JAK2: variants seen among roughly 807,000 people sequenced by gnomAD.
JAK2 encodes Janus kinase 2, also known as tyrosine-protein kinase JAK2.
JAK2 carries 86 observed loss-of-function variants against 139.3 expected under a neutral mutation model. That is an observed-to-expected ratio of 0.62 (90% CI 0.52 to 0.74). The LOEUF (loss-of-function observed/expected upper bound fraction) is 0.74. Among genes scored for constraint, JAK2 ranks in the 30% least tolerant of loss-of-function variants. The pLI, the probability that JAK2 is intolerant of heterozygous loss-of-function variation, is 0.00. For synonymous variants in JAK2, 490 were observed against 437.7 expected (o/e 1.12, Z -1.49); for missense variants, 1,421 against 1,360.3 (o/e 1.04, Z -0.70).
intron 5 of JAK2, among the ~76,000 whole-genome samples, chr9:5,047,758 G>A (rs960966464): frequency 2.0e-5 from 3 of 152,066 alleles, no homozygotes; most frequent in Non-Finnish European, 2.9e-5. Flanking sequence ...ACTATGCCTG[G>A]CTAATTTTTT....
At chr9:5,073,445 A>G (rs1322717070) in intron 13 of JAK2, among the ~76,000 whole-genome samples, 1 of 152,130 alleles carries the variant, frequency 6.6e-6, no homozygotes, top group African/African-American at 2.4e-5. Flanking sequence ...TTTGACTGGC[A>G]TTATTCATGA....
intron 22 of JAK2, among the ~76,000 whole-genome samples, chr9:5,120,201 T>C (rs1823508730): frequency 6.6e-6 from 1 of 152,126 alleles, no homozygotes; most frequent in Admixed American, 6.5e-5. Context: ...TGGACAAAAG[T>C]GGAAGGGCGA....
At chr9:5,114,806 A>C (rs1822992846) in intron 22 of JAK2, 1 of 284,734 alleles carries the variant, frequency 3.5e-6, no homozygotes, top group African/African-American at 2.2e-5. Context: ...ATCCCATTAA[A>C]TGTCCTCCTG....
intron 23 of JAK2, among the ~76,000 whole-genome samples, chr9:5,124,017 A>T (rs1260179897): frequency 1.3e-5 from 2 of 151,588 alleles, no homozygotes; most frequent in African/African-American, 4.8e-5. Context: ...TTCTTTTGAA[A>T]ATGTCTATTG....
intron 2 of JAK2, among the ~76,000 whole-genome samples, chr9:5,010,948 C>CA (rs1209192931): frequency 5.3e-5 from 8 of 152,198 alleles, no homozygotes; most frequent in Non-Finnish European, 7.3e-5. Flanking sequence ...CTCTCCCTAC[C>CA]AGTACTTTGT....
chr9:5,016,500 A>G (rs1277607426), intron 2 of JAK2, among the ~76,000 whole-genome samples: 1 of 152,226 alleles, frequency 6.6e-6, no homozygotes. Flanking sequence ...AAAATAGTCA[A>G]CAAAATTAAA....
At chr9:5,110,772 A>AGTG (rs778972535) in intron 22 of JAK2, 9 of 389,608 alleles carry the variant, frequency 2.3e-5, no homozygotes, top group Middle Eastern at 1.7e-3. Flanking sequence ...GCCATGCAGG[A>AGTG]GTGGTAAGGG....
intron 6 of JAK2, among the ~76,000 whole-genome samples, chr9:5,053,170 A>G (rs905645544): frequency 1.3e-5 from 2 of 151,936 alleles, no homozygotes; most frequent in Non-Finnish European, 2.9e-5. Context: ...TATCCATCCT[A>G]GTGGGTGGAA....
At chr9:5,038,613 TG>T (rs1400011360) in intron 4 of JAK2, among the ~76,000 whole-genome samples, 8 of 129,012 alleles carry the variant, frequency 6.2e-5, no homozygotes, top group African/African-American at 2.1e-4. Flanking sequence ...TTTTTTTTTT[TG>T]GATTTTAGAA....
intron 2 of JAK2, among the ~76,000 whole-genome samples, chr9:4,990,856 G>A (rs970388266): frequency 3.3e-5 from 5 of 152,112 alleles, no homozygotes; most frequent in African/African-American, 9.7e-5. Flanking sequence ...TTGACAGTTG[G>A]GTGATCAGTG....
chr9:4,991,616 A>G (rs1820254464), intron 2 of JAK2, among the ~76,000 whole-genome samples: 1 of 152,182 alleles, frequency 6.6e-6, no homozygotes, highest in Admixed American at 6.5e-5. Flanking sequence ...ATCACATGGT[A>G]AAATGTGTAT....
intron 8 of JAK2, among the ~76,000 whole-genome samples, chr9:5,064,161 G>A (rs1011879582): frequency 6.7e-6 from 1 of 149,650 alleles, no homozygotes; most frequent in African/African-American, 2.5e-5. Flanking sequence ...GACTGGGCGG[G>A]GGCCACAAAA....
chr9:5,086,211 G>A (rs1039158306), intron 19 of JAK2: 7 of 590,084 alleles, frequency 1.2e-5, no homozygotes, highest in East Asian at 2.5e-4. Context: ...CGCCACCAGC[G>A]CGAGGCCACG....
intron 22 of JAK2, chr9:5,108,146 A>G (rs902764355): frequency 2.6e-5 from 4 of 152,094 alleles, no homozygotes; most frequent in Admixed American, 2.6e-4. Flanking sequence ...TACCTTTTAT[A>G]ATCCTAGCAA....
At chr9:5,041,502 G>C in intron 4 of JAK2, 3 of 576,476 alleles carry the variant, frequency 5.2e-6, no homozygotes, top group South Asian at 4.5e-5. Context: ...GAAGATCGGG[G>C]ACACATAGCG....
intron 19 of JAK2, among the ~76,000 whole-genome samples, chr9:5,087,137 G>A (rs536429774): frequency 2.0e-5 from 3 of 152,220 alleles, no homozygotes; most frequent in East Asian, 1.9e-4. Context: ...CTGTTCTCAC[G>A]CTGCAAATAA....
At chr9:5,119,429 T>TA (rs539525091) in intron 22 of JAK2, among the ~76,000 whole-genome samples, 16 of 145,528 alleles carry the variant, frequency 1.1e-4, no homozygotes, top group South Asian at 4.3e-4. Flanking sequence ...AATGAAAGCC[T>TA]AAAAAAAAAA....
intron 23 of JAK2, among the ~76,000 whole-genome samples, chr9:5,124,644 T>G (rs1023074813): frequency 2.0e-5 from 3 of 151,740 alleles, no homozygotes; most frequent in Admixed American, 1.3e-4. Flanking sequence ...ATCACATTAC[T>G]TGACCTCAAA....
chr9:5,104,850 A>C (rs893704273), intron 22 of JAK2, among the ~76,000 whole-genome samples: 1 of 152,256 alleles, frequency 6.6e-6, no homozygotes, highest in African/African-American at 2.4e-5. Context: ...CTTTGACAAA[A>C]TTCTACAGCC....
Sources: gnomAD v4.1 joint callset for allele counts (sites outside exome capture counted in the v4.1 genomes callset) on GRCh38, gnomAD v4.1.1 for gene constraint, MANE v1.5 for transcripts, NCBI Gene and HGNC (gene_info 2026-07-23, HGNC 2026-07-21) for gene names.